Variants in ELAVL2 observed in about 807,000 individuals in gnomAD.
The protein encoded by ELAVL2 is ELAV like RNA binding protein 2, also known as ELAV-like protein 2.
A neutral mutation model predicts 34.6 loss-of-function variants in ELAVL2; 4 were observed. The ratio of observed to expected loss-of-function variants is 0.12; its 90% CI spans 0.06 to 0.26. ELAVL2 has a LOEUF of 0.26. ELAVL2 is among the 10% of genes least tolerant of loss of function. The probability of loss-of-function intolerance (pLI) is 1.00; values close to 1 mark genes in which losing one functional copy is unlikely to be tolerated. For synonymous variants in ELAVL2, 193 were observed against 154.8 expected (o/e 1.25, Z -1.83); for missense variants, 432 against 442.8 (o/e 0.98, Z 0.22).
At chr9:23,768,572 A>G (rs538973972) in intron 1 of ELAVL2, among the ~76,000 whole-genome samples, 1 of 152,292 alleles carries the variant, frequency 6.6e-6, no homozygotes, top group South Asian at 2.1e-4. Context: ...TTATGAAAGC[A>G]TATTTTCAAG....
At chr9:23,775,995 A>G (rs2058127151) in intron 1 of ELAVL2, among the ~76,000 whole-genome samples, 1 of 152,188 alleles carries the variant, frequency 6.6e-6, no homozygotes, top group African/African-American at 2.4e-5. Context: ...AGATCCATAA[A>G]GAGAATGAAT....
intron 3 of ELAVL2, among the ~76,000 whole-genome samples, chr9:23,721,089 T>C (rs2043584652): frequency 1.3e-5 from 2 of 152,210 alleles, no homozygotes; most frequent in Admixed American, 1.3e-4. Flanking sequence ...TTCCTTGCCA[T>C]CCACTGATCG....
intron 4 of ELAVL2, among the ~76,000 whole-genome samples, chr9:23,704,486 C>T (rs2038638345): frequency 6.6e-6 from 1 of 152,090 alleles, no homozygotes; most frequent in Admixed American, 6.5e-5. Flanking sequence ...TGGAAAACAG[C>T]CTGAACAGCA....
intron 4 of ELAVL2, among the ~76,000 whole-genome samples, chr9:23,703,495 T>C (rs947648586): frequency 4.6e-5 from 7 of 152,186 alleles, no homozygotes; most frequent in Non-Finnish European, 1.0e-4. Flanking sequence ...GCAAAATCTG[T>C]AGGCTATTCT....
At chr9:23,728,188 C>T (rs183259138) in intron 3 of ELAVL2, among the ~76,000 whole-genome samples, 1 of 152,074 alleles carries the variant, frequency 6.6e-6, no homozygotes, top group Admixed American at 6.6e-5. Context: ...TATGGGTCCC[C>T]CTGTAATTCC....
chr9:23,741,605 C>G (rs2049203290), intron 2 of ELAVL2, among the ~76,000 whole-genome samples: 1 of 152,042 alleles, frequency 6.6e-6, no homozygotes, highest in African/African-American at 2.4e-5. Context: ...AATCTTGAAA[C>G]AAACCAGGAA....
chr9:23,725,418 G>T (rs978634493), intron 3 of ELAVL2, among the ~76,000 whole-genome samples: 1 of 152,074 alleles, frequency 6.6e-6, no homozygotes, highest in Non-Finnish European at 1.5e-5. Flanking sequence ...ATGGCTATTA[G>T]AGCCACTCGT....
In ELAVL2 at chr9:23,748,598, G is replaced by C. The variant is rs142600659; in HGVS notation, c.229+13408C>G. Among the ~76,000 whole-genome samples, 42 of 152,212 alleles carry C rather than the reference G, an allele frequency of 2.8e-4. No individual in the cohort carries two copies. The East Asian group carries it at 5.8e-3, about 21-fold the overall frequency. ...AAGAATAAAACAAGCTTGAAACCAG[G>C]CAGAACAACTGCAAAGGGGGTAAGA... is the stretch of plus-strand genomic sequence containing the variant. On this transcript the variant is annotated intron_variant, in intron 2 of 6. Coordinates refer to ENST00000397312, the MANE Select transcript of ELAVL2 (RefSeq NM_004432.5).
chr9:23,844,514 C>A, the ELAVL2 span, among the ~76,000 whole-genome samples: 18 of 152,012 alleles, frequency 1.2e-4, no homozygotes, highest in Admixed American at 1.2e-3. Context: ...ATTTCTGTAG[C>A]AATCTTAGCT....
At chr9:23,739,605 A>G (rs985399311) in intron 2 of ELAVL2, among the ~76,000 whole-genome samples, 2 of 151,934 alleles carry the variant, frequency 1.3e-5, no homozygotes, top group African/African-American at 2.4e-5. Context: ...TGTTTACTTA[A>G]AAGACAATGG....
At chr9:23,799,815 A>T (rs1469423721) in intron 1 of ELAVL2, among the ~76,000 whole-genome samples, 1 of 152,180 alleles carries the variant, frequency 6.6e-6, no homozygotes, top group Non-Finnish European at 1.5e-5. Context: ...GAAAACCCTG[A>T]AAGGGCTCTA....
At chr9:23,770,338 T>C (rs1323349906) in intron 1 of ELAVL2, among the ~76,000 whole-genome samples, 1 of 152,154 alleles carries the variant, frequency 6.6e-6, no homozygotes, top group Non-Finnish European at 1.5e-5. Flanking sequence ...GAAGGAGATA[T>C]GGGCTGGCTG....
At chr9:23,769,261 G>C (rs185963149) in intron 1 of ELAVL2, among the ~76,000 whole-genome samples, 70 of 152,230 alleles carry the variant, frequency 4.6e-4, no homozygotes, top group Admixed American at 4.3e-3. Context: ...ACCATCCTTT[G>C]GGGAACTTGC....
At position 23,810,061 on chromosome 9, in the gene ELAVL2, A is replaced by C. The variant is rs3793593; in HGVS notation, c.-16+15745T>G. ...TTTTCATAAACTTAACAAGTTCAAAAAACAGCCCTTACAGATTATCTACTA... is the reference window on the plus strand; with the variant it reads ...TTTTCATAAACTTAACAAGTTCAAACAACAGCCCTTACAGATTATCTACTA... On this transcript the variant is annotated intron_variant, in intron 1 of 6. Coordinates refer to ENST00000397312, the MANE Select transcript of ELAVL2 (RefSeq NM_004432.5). Among the ~76,000 whole-genome samples the C allele has an allele frequency of 8.8e-3, 1,345 of 152,282 alleles. 19 individuals carry two copies. Among genetic ancestry groups the C allele is most frequent in the East Asian group, 0.025 (127 of 5,178 alleles).
chr9:23,839,806 A>T, the ELAVL2 span, among the ~76,000 whole-genome samples: 1 of 152,140 alleles, frequency 6.6e-6, no homozygotes, highest in Admixed American at 6.6e-5. Flanking sequence ...AAAACATTTT[A>T]CCTATAATTT....
chr9:23,741,709 C>CAGACACCTGAGAG (rs2049237753), intron 2 of ELAVL2, among the ~76,000 whole-genome samples: 1 of 152,180 alleles, frequency 6.6e-6, no homozygotes, highest in South Asian at 2.1e-4. Flanking sequence ...ATTAGACCTT[C>CAGACACCTGAGAG]AGACACCTGA....
the ELAVL2 span, among the ~76,000 whole-genome samples, chr9:23,837,457 T>G: frequency 6.6e-6 from 1 of 152,186 alleles, no homozygotes; most frequent in African/African-American, 2.4e-5. Context: ...GTAATAATAG[T>G]GTATGCTAGG....
chr9:23,804,104 T>TA (rs1253415503), intron 1 of ELAVL2, among the ~76,000 whole-genome samples: 3 of 152,070 alleles, frequency 2.0e-5, no homozygotes, highest in Non-Finnish European at 4.4e-5. Context: ...TTGTGCAAAT[T>TA]AAAAAATATA....
chr9:23,791,917 C>T (rs2060369741), intron 1 of ELAVL2, among the ~76,000 whole-genome samples: 1 of 152,184 alleles, frequency 6.6e-6, no homozygotes, highest in Non-Finnish European at 1.5e-5. Context: ...TTCTTAATCT[C>T]TCAGTTGTCT....
Sources: gnomAD v4.1 joint callset for allele counts (sites outside exome capture counted in the v4.1 genomes callset) on GRCh38, gnomAD v4.1.1 for gene constraint, MANE v1.5 for transcripts, NCBI Gene and HGNC (gene_info 2026-07-23, HGNC 2026-07-21) for gene names.